DNTTIP2: variants seen among roughly 807,000 people sequenced by gnomAD.
DNTTIP2 encodes the protein deoxynucleotidyltransferase terminal-interacting protein 2.
DNTTIP2 carries 47 observed loss-of-function variants against 62.4 expected under a neutral mutation model. The observed-to-expected ratio is 0.75, with a 90% CI of 0.60 to 0.96. The LOEUF (loss-of-function observed/expected upper bound fraction) is 0.96. Among genes scored for constraint, DNTTIP2 ranks in the 40% least tolerant of loss-of-function variants. The pLI, the probability that DNTTIP2 is intolerant of heterozygous loss-of-function variation, is 0.00. For missense variants in DNTTIP2, 870 were observed against 849.1 expected (o/e 1.02, Z -0.31); for synonymous variants, 322 against 300.9 (o/e 1.07, Z -0.73).
rs901617477 is a variant in DNTTIP2 at position 93,867,729 on chromosome 1, A to G, written c.*2122T>C. On this transcript the variant is annotated 3_prime_UTR_variant, in exon 7 of 7. Coordinates refer to ENST00000436063, the MANE Select transcript of DNTTIP2 (RefSeq NM_014597.5). ...AATATCCAGGTATTTGTAGAAGGCC[A>G]GAAGCACTAAAGGATACAATTCTCT... 2 of 152,206 alleles carry G rather than the reference A, an allele frequency of 1.3e-5. No homozygotes were observed. Among genetic ancestry groups the G allele is most frequent in the African/African-American group, 4.8e-5 (2 of 41,446 alleles). 9.4% of individuals were successfully genotyped at this position (152,206 alleles called of 1,614,324 possible).
Position 93,871,764 on chromosome 1 carries a change from A to G in DNTTIP2, c.2067+308T>C, listed in dbSNP as rs185252657. On this transcript the variant is annotated intron_variant, in intron 5 of 6. Coordinates refer to ENST00000436063, the MANE Select transcript of DNTTIP2 (RefSeq NM_014597.5). ...GTACACGTGATACCCTTTTACCCCT[A>G]TCCCGTATGGACTCTTGCTGTTAGG... Among the ~76,000 whole-genome samples, 188 of 152,314 alleles carry G rather than the reference A, an allele frequency of 1.2e-3. 2 individuals carry two copies. Among genetic ancestry groups the G allele is most frequent in the African/African-American group, 4.4e-3 (185 of 41,578 alleles).
chr1:93,875,336 A>G (rs1407943052), intron 3 of DNTTIP2, among the ~76,000 whole-genome samples: 2 of 152,188 alleles, frequency 1.3e-5, no homozygotes, highest in African/African-American at 2.4e-5. Flanking sequence ...GATTCTCAAC[A>G]GTCTACACTA....
In DNTTIP2 at chr1:93,877,466, T is replaced by C; in HGVS notation, c.469A>G (p.Thr157Ala). The C allele has an allele frequency of 1.2e-6, 2 of 1,613,884 alleles. No individual in the cohort carries two copies. Among genetic ancestry groups the C allele is most frequent in the Non-Finnish European group, 8.5e-7 (1 of 1,179,860 alleles). Reference sequence around the variant, plus strand: ...CTTCTGGCTCCTGTAGTTTTTTCTGTAGGAAGCACAATTCTAGAAATACCT... The same window carrying C: ...CTTCTGGCTCCTGTAGTTTTTTCTGCAGGAAGCACAATTCTAGAAATACCT... Reference protein sequence around the residue: ...VSGISRIVLPTEKTTGARRSK... With the variant: ...VSGISRIVLPAEKTTGARRSK... The change falls in exon 2 of 7, where the codon ACA becomes GCA. Residue 157 changes from threonine to alanine, a missense_variant. Thr to Ala is a moderately conservative substitution (Grantham distance 58, BLOSUM62 0). Transcript: ENST00000436063.
In DNTTIP2 at chr1:93,877,231, T is replaced by C; in HGVS notation, c.704A>G (p.Asn235Ser). 19 of 1,613,958 alleles carry C rather than the reference T, an allele frequency of 1.2e-5. No individual in the cohort carries two copies. The highest frequency in any genetic ancestry group is 1.6e-5 in the Non-Finnish European group (19 of 1,179,870). ...NEKQIVGTPV[N>S]SEDSDTRQTS... is the part of the protein sequence containing the mutation. ...TTGTCTGGTATCTGAATCCTCTGAATTCACAGGTGTACCCACGATCTGTTT... is the reference window on the plus strand; with the variant it reads ...TTGTCTGGTATCTGAATCCTCTGAACTCACAGGTGTACCCACGATCTGTTT... The change falls in exon 2 of 7, where the codon AAT (asparagine) becomes AGT (serine). Residue 235 changes from asparagine to serine, a missense_variant. By Grantham distance (46) the Asn-to-Ser change is conservative. Transcript: ENST00000436063.
rs1571186726 is a variant in DNTTIP2, at chr1:93,878,022, T to C, written c.73-160A>G. ...ACTCATGATTTTTAAAAAATCAAAA[T>C]TTGGCCGGGCGCGGTGGCTTACGGC... On this transcript the variant is annotated intron_variant, in intron 1 of 6. Coordinates refer to ENST00000436063, the MANE Select transcript of DNTTIP2 (RefSeq NM_014597.5). 4 of 1,181,064 alleles carry C rather than the reference T, an allele frequency of 3.4e-6. No homozygotes were observed. In the East Asian group the frequency reaches 1.0e-4, roughly 31 times the overall value. 73.2% of individuals were successfully genotyped at this position (1,181,064 alleles called of 1,614,324 possible).
rs1021962474 is a variant in DNTTIP2 at position 93,868,541 on chromosome 1, T to C, written c.*1310A>G. The C allele has an allele frequency of 3.3e-5, 5 of 152,116 alleles. No homozygotes were observed. The highest frequency in any genetic ancestry group is 1.2e-4 in the African/African-American group (5 of 41,416). The allele number at this position is 152,116 out of a possible 1,614,324, so 9.4% of individuals were successfully genotyped here. ...TAAATCATTCTACTATAAAGACACA[T>C]ACACAAGTATGTTTACTGTGGCACT... On this transcript the variant is annotated 3_prime_UTR_variant, in exon 7 of 7. Coordinates refer to ENST00000436063, the MANE Select transcript of DNTTIP2 (RefSeq NM_014597.5).
Position 93,866,433 on chromosome 1 carries a change from C to T in DNTTIP2, c.*3418G>A, listed in dbSNP as rs1655727092. 6.6e-6 allele frequency: 1 copy of T among 152,184 alleles called. No individual in the cohort carries two copies. The highest frequency in any genetic ancestry group is 2.4e-5 in the African/African-American group (1 of 41,442). The allele number at this position is 152,184 out of a possible 1,614,324, so 9.4% of individuals were successfully genotyped here. A position where few individuals can be genotyped will look rare whatever the true frequency, so the allele number is the denominator to read the frequency against. ...AAATTCCATTAAGTAAACAATTAGGCATTTTTCAATGGTTTGGGATCTATT... is the reference window on the plus strand; with the variant it reads ...AAATTCCATTAAGTAAACAATTAGGTATTTTTCAATGGTTTGGGATCTATT... On this transcript the variant is annotated 3_prime_UTR_variant, in exon 7 of 7. Transcript: ENST00000436063.
Position 93,877,064 on chromosome 1 carries a change from C to A in DNTTIP2, c.871G>T (p.Glu291Ter). 6.2e-7 allele frequency: 1 copy of A among 1,611,988 alleles called. No individual in the cohort carries two copies. The highest frequency in any genetic ancestry group is 8.5e-7 in the Non-Finnish European group (1 of 1,179,798). ...AAATCCTTACAATTCTGTTTTGTTT[C>A]TTTAAGAGATTCAACATTGGCCTGT... The part of the protein sequence containing the change: ...HEQANVESLK[E>*]TKQNCKDLDE... The change falls in exon 2 of 7, where the codon GAA (glutamate) becomes TAA (stop). Residue 291 changes from glutamate (E) to a stop codon, truncating the protein, a stop_gained. Coordinates refer to ENST00000436063, the MANE Select transcript of DNTTIP2 (RefSeq NM_014597.5). LOFTEE classifies it high-confidence loss of function.
Position 93,869,539 on chromosome 1 carries a change from C to T in DNTTIP2, c.*312G>A. The T allele has an allele frequency of 4.2e-6, 1 of 235,872 alleles. No individual in the cohort carries two copies. Among genetic ancestry groups the T allele is most frequent in the East Asian group, 9.6e-5 (1 of 10,450 alleles). 14.6% of individuals were successfully genotyped at this position (235,872 alleles called of 1,614,324 possible). On this transcript the variant is annotated 3_prime_UTR_variant, in exon 7 of 7. Transcript: ENST00000436063. ...AACATGTTAGCAAACTTTATACTTC[C>T]TATCTTTTAATTAAATTTTCTTTAA...
rs749235007 is a variant in DNTTIP2 at position 93,868,135 on chromosome 1, C to G, written c.*1716G>C. 6.6e-6 allele frequency: 1 copy of G among 152,112 alleles called. No homozygotes were observed. 9.4% of individuals were successfully genotyped at this position (152,112 alleles called of 1,614,324 possible). A position where few individuals can be genotyped will look rare whatever the true frequency, so the allele number is the denominator to read the frequency against. Reference sequence around the variant, plus strand: ...ACAAAGGGCTAATATCCAGAATCTACAAAGAACTTAAACAAATTTACAAGA... The same window carrying G: ...ACAAAGGGCTAATATCCAGAATCTAGAAAGAACTTAAACAAATTTACAAGA... On this transcript the variant is annotated 3_prime_UTR_variant, in exon 7 of 7. Transcript: ENST00000436063.
rs1416302650 is a variant in DNTTIP2, at chr1:93,868,278, A to T, written c.*1573T>A. The T allele has an allele frequency of 6.6e-6, 1 of 152,206 alleles. No individual in the cohort carries two copies. Among genetic ancestry groups the T allele is most frequent in the African/African-American group, 2.4e-5 (1 of 41,448 alleles). 9.4% of individuals were successfully genotyped at this position (152,206 alleles called of 1,614,324 possible). A position where few individuals can be genotyped will look rare whatever the true frequency, so the allele number is the denominator to read the frequency against. On this transcript the variant is annotated 3_prime_UTR_variant, in exon 7 of 7. Coordinates refer to ENST00000436063, the MANE Select transcript of DNTTIP2 (RefSeq NM_014597.5). ...TATCACTGCTCATTAGAGAAATGCA[A>T]ATCAAAACCACAATGAGATACCATC...
Position 93,876,788 on chromosome 1 carries a change from T to G in DNTTIP2, c.1147A>C (p.Ile383Leu). 6.2e-7 allele frequency: 1 copy of G among 1,613,940 alleles called. No individual in the cohort carries two copies. Residue 383 changes from isoleucine (I) to leucine (L), a missense_variant, in exon 2 of 7, where the codon ATA becomes CTA. Transcript: ENST00000436063. Reference protein sequence around the residue: ...GRWNNNKKSPIKASDLTKFGD... With the variant: ...GRWNNNKKSPLKASDLTKFGD... ...AACTTTGTCAAGTCACTTGCTTTTA[T>G]GGGGCTCTTTTTGTTGTTATTCCAT...
Position 93,875,684 on chromosome 1 carries a change from CTT to C in DNTTIP2, c.1765_1766del (p.Lys589GlufsTer13). 1.2e-6 allele frequency: 2 copies of C among 1,613,230 alleles called. No individual in the cohort carries two copies. Among genetic ancestry groups the C allele is most frequent in the South Asian group, 2.2e-5 (2 of 90,874 alleles). On this transcript the variant is annotated frameshift_variant, in exon 3 of 7. Transcript: ENST00000436063. LOFTEE classifies it high-confidence loss of function. Reference protein sequence around the residue: ...NFNADKLQSNKRTLTQIKEKK... With the variant: ...NFNADKLQSNXRTLTQIKEKK... ...TCTCCTTGATCTGTGTTAGGGTTCT[CTT>C]GTTAGACTGTAGTTTATCTGCATTA...
intron 6 of DNTTIP2, 92 bp downstream of exon 6, chr1:93,870,591 A>G: frequency 1.6e-6 from 1 of 618,604 alleles, no homozygotes; most frequent in East Asian, 3.0e-5. Flanking sequence ...GTTATTATAA[A>G]TGAGTTATTT....
chr1:93,875,073 G>A (rs1276882017), intron 3 of DNTTIP2, among the ~76,000 whole-genome samples: 2 of 152,212 alleles, frequency 1.3e-5, no homozygotes, highest in Non-Finnish European at 2.9e-5. Flanking sequence ...GGGAATTAGT[G>A]ACGTCAAGTA....
In DNTTIP2 at chr1:93,876,845, T is replaced by G; in HGVS notation, c.1090A>C (p.Thr364Pro). The G allele has an allele frequency of 1.2e-6, 2 of 1,613,984 alleles. No individual in the cohort carries two copies. Among genetic ancestry groups the G allele is most frequent in the Non-Finnish European group, 1.7e-6 (2 of 1,179,886 alleles). ...LNSEAVMKSL[T>P]QTFATVEVGR... ...ACTTCCACAGTTGCAAATGTTTGAGTTAATGATTTCATTACAGCCTCAGAG... is the reference window on the plus strand; with the variant it reads ...ACTTCCACAGTTGCAAATGTTTGAGGTAATGATTTCATTACAGCCTCAGAG... Residue 364 changes from threonine (T) to proline (P), a missense_variant, in exon 2 of 7, where the codon ACT becomes CCT. By Grantham distance (38) the Thr-to-Pro change is conservative (BLOSUM62 -1). Transcript: ENST00000436063.
In DNTTIP2 at chr1:93,878,906, A is replaced by G. The variant is rs1406435715; in HGVS notation, c.72+171T>C. 19 of 814,830 alleles carry G rather than the reference A, an allele frequency of 2.3e-5. No homozygotes were observed. The Admixed American group carries it at 3.0e-4, about 13-fold the overall frequency. 50.5% of individuals were successfully genotyped at this position (814,830 alleles called of 1,614,324 possible). The stretch of plus-strand genomic sequence containing the variant: ...GCCTTAAGAGACAGTGGTGAAGGCT[A>G]AACAGTTTCCGTGACAGGCTTAGCA... On this transcript the variant is annotated intron_variant, in intron 1 of 6. Transcript: ENST00000436063.
intron 6 of DNTTIP2, among the ~76,000 whole-genome samples, chr1:93,870,457 C>A (rs1424262425): frequency 6.6e-6 from 1 of 152,034 alleles, no homozygotes; most frequent in Non-Finnish European, 1.5e-5. Flanking sequence ...TTTCCAGGGG[C>A]TACGTGATGT....
At chr1:93,869,989 T>C (rs1217314862) in intron 6 of DNTTIP2, 45 bp from the exon 7 acceptor site, 4 of 755,356 alleles carry the variant, frequency 5.3e-6, no homozygotes, top group East Asian at 2.4e-5. Flanking sequence ...TATCAGACAT[T>C]AGAAGTTAAT....
Sources: gnomAD v4.1 joint callset for allele counts (sites outside exome capture counted in the v4.1 genomes callset) on GRCh38, gnomAD v4.1.1 for gene constraint, MANE v1.5 for transcripts, NCBI Gene and HGNC (gene_info 2026-07-23, HGNC 2026-07-21) for gene names.